Variants in RRP12 observed in about 807,000 individuals in gnomAD.
RRP12 encodes the protein RRP12-like protein.
In RRP12, 78 loss-of-function variants were observed where a neutral mutation model predicts 157.3. The observed-to-expected ratio is 0.50, with a 90% confidence interval of 0.41 to 0.60. RRP12 has a LOEUF of 0.60. Among genes scored for constraint, RRP12 ranks in the 20% least tolerant of loss-of-function variants. The probability of loss-of-function intolerance (pLI) is 0.00; values close to 1 mark genes in which losing one functional copy is unlikely to be tolerated. For synonymous variants in RRP12, 726 were observed against 670.9 expected (o/e 1.08, Z -1.27); for missense variants, 1,521 against 1,679.9 (o/e 0.91, Z 1.65).
chr10:97,365,162 A>C (rs1843939385), intron 29 of RRP12, among the ~76,000 whole-genome samples: 1 of 151,876 alleles, frequency 6.6e-6, no homozygotes, highest in African/African-American at 2.4e-5. Flanking sequence ...AGTTGGGTGC[A>C]TGTGGAGCAG....
At chr10:97,383,318 CAGACCTGGGCCAG>C (rs1262071555) in intron 10 of RRP12, among the ~76,000 whole-genome samples, 2 of 152,200 alleles carry the variant, frequency 1.3e-5, no homozygotes, top group Non-Finnish European at 2.9e-5. Context: ...GTGGGCTGGG[CAGACCTGGGCCAG>C]AGACCTGGCC....
chr10:97,396,525 C>A (rs531948676), intron 2 of RRP12, among the ~76,000 whole-genome samples: 8 of 152,228 alleles, frequency 5.3e-5, no homozygotes, highest in Non-Finnish European at 1.2e-4. Context: ...TCTAGAAATA[C>A]CTGCATGAGA....
intron 17 of RRP12, 89 bp downstream of exon 17, chr10:97,373,486 C>A: frequency 7.2e-7 from 1 of 1,381,376 alleles, no homozygotes. Flanking sequence ...TTCTGTGGCT[C>A]TGCCTGGCAA....
intron 10 of RRP12, 25 bp from the exon 11 acceptor site, chr10:97,381,851 G>T: frequency 6.3e-7 from 1 of 1,585,482 alleles, no homozygotes; most frequent in South Asian, 1.1e-5. Context: ...GGTTTCTGTG[G>T]GGCCTGGCCT....
At chr10:97,400,271 A>G (rs762579643) in intron 2 of RRP12, 34 bp downstream of exon 2, 1 of 1,538,654 alleles carries the variant, frequency 6.5e-7, no homozygotes, top group Non-Finnish European at 9.0e-7. Context: ...GCCTCTCCTC[A>G]CTATCCTATG....
Position 97,366,585 on chromosome 10 carries a change from C to T in RRP12, c.3252G>A (p.Glu1084=). The part of the protein sequence containing the change: ...EEILADSEDE[E]DNEEEERSRG... ...GGCTTCTTTCCTCCTCCTCATTGTC[C>T]TCCTCGTCCTCTGAGTCAGCTAAAA... is the stretch of plus-strand genomic sequence containing the variant. The change falls in exon 28 of 34, where the codon GAG becomes GAA. Residue 1084 remains glutamate (E), a synonymous_variant. Coordinates refer to ENST00000370992, the MANE Select transcript of RRP12 (RefSeq NM_015179.4). 6.2e-7 allele frequency: 1 copy of T among 1,613,936 alleles called. No individual in the cohort carries two copies.
At chr10:97,365,966 A>G in intron 29 of RRP12, 142 bp downstream of exon 29, 2 of 1,041,030 alleles carry the variant, frequency 1.9e-6, no homozygotes, top group Non-Finnish European at 2.9e-6. Flanking sequence ...TTCTCAAAAA[A>G]AGTTTGAGAA....
intron 13 of RRP12, among the ~76,000 whole-genome samples, chr10:97,380,290 C>A (rs933568819): frequency 1.3e-5 from 2 of 152,148 alleles, no homozygotes; most frequent in Admixed American, 6.5e-5. Context: ...GAAGGCCCCA[C>A]GAGGCCAGGA....
chr10:97,390,810 C>T lies in RRP12; in HGVS notation c.565G>A (p.Asp189Asn), dbSNP rs61739162. 3.3e-4 allele frequency: 535 copies of T among 1,613,712 alleles called. 3 individuals carry two copies. The African/African-American group carries it at 6.6e-3, about 20-fold the overall frequency. Residue 189 changes from aspartate (D) to asparagine (N), a missense_variant, in exon 5 of 34, where the codon GAT (aspartate) becomes AAT (asparagine). Coordinates refer to ENST00000370992, the MANE Select transcript of RRP12 (RefSeq NM_015179.4). ...PSPVLIKKFS[D>N]TSKAFMDIMS... ...ATATCCATGAAGGCTTTGGAGGTAT[C>T]AGAGAACTTCTTAATAAGCACAGGG...
intron 30 of RRP12, among the ~76,000 whole-genome samples, chr10:97,361,407 A>C (rs1287180065): frequency 6.6e-6 from 1 of 152,218 alleles, no homozygotes; most frequent in African/African-American, 2.4e-5. Flanking sequence ...AGGTGGCCCC[A>C]GCTGGCAAGG....
At chr10:97,394,038 C>T (rs1844886137) in intron 3 of RRP12, among the ~76,000 whole-genome samples, 1 of 152,178 alleles carries the variant, frequency 6.6e-6, no homozygotes. Flanking sequence ...CTGCCTGACA[C>T]ATAATTAAAA....
intron 10 of RRP12, among the ~76,000 whole-genome samples, chr10:97,383,912 G>A (rs773156728): frequency 6.6e-6 from 1 of 152,168 alleles, no homozygotes; most frequent in Non-Finnish European, 1.5e-5. Context: ...CGGCTGGCTG[G>A]CAAACGCTCT....
chr10:97,384,449 TC>T (rs1844560103), intron 10 of RRP12, among the ~76,000 whole-genome samples: 1 of 141,166 alleles, frequency 7.1e-6, no homozygotes, highest in Admixed American at 7.1e-5. Flanking sequence ...ACCCCCAACT[TC>T]GGCAGCCTGG....
intron 15 of RRP12, among the ~76,000 whole-genome samples, chr10:97,374,730 C>T (rs1447428818): frequency 7.2e-6 from 1 of 139,446 alleles, no homozygotes; most frequent in African/African-American, 2.8e-5. Flanking sequence ...CGAGATCGTG[C>T]TATTGCACAA....
chr10:97,381,225 G>A (rs1431978899), intron 12 of RRP12, among the ~76,000 whole-genome samples, 161 bp downstream of exon 12: 1 of 152,234 alleles, frequency 6.6e-6, no homozygotes, highest in African/African-American at 2.4e-5. Flanking sequence ...TCAAGTCCAC[G>A]GTAGCTGCTC....
intron 29 of RRP12, chr10:97,365,855 TCA>T: frequency 2.1e-6 from 1 of 475,670 alleles, no homozygotes; most frequent in Non-Finnish European, 3.7e-6. Context: ...TAACAGCGTA[TCA>T]CACACAGTAA....
intron 4 of RRP12, 32 bp downstream of exon 4, chr10:97,393,652 G>A (rs763219127): frequency 1.9e-6 from 3 of 1,573,862 alleles, no homozygotes; most frequent in South Asian, 2.2e-5. Context: ...TCCACAAAAA[G>A]CCTTGGGGTT....
intron 25 of RRP12, among the ~76,000 whole-genome samples, chr10:97,368,176 G>A (rs1383380212): frequency 2.0e-5 from 3 of 149,748 alleles, no homozygotes; most frequent in East Asian, 4.0e-4. Context: ...GACTACAGGC[G>A]CGCACCACCA....
chr10:97,400,626 C>T, intron 1 of RRP12, 92 bp from the exon 2 acceptor site: 1 of 1,006,504 alleles, frequency 9.9e-7, no homozygotes, highest in Non-Finnish European at 1.5e-6. Flanking sequence ...CAGGCCAAAT[C>T]TCCAACCCGA....
Sources: gnomAD v4.1 joint callset for allele counts (sites outside exome capture counted in the v4.1 genomes callset) on GRCh38, gnomAD v4.1.1 for gene constraint, MANE v1.5 for transcripts, NCBI Gene and HGNC (gene_info 2026-07-23, HGNC 2026-07-21) for gene names.